Variants in JAKMIP2 observed in about 807,000 individuals in gnomAD.
JAKMIP2 encodes janus kinase and microtubule interacting protein 2.
A neutral mutation model predicts 115.0 loss-of-function variants in JAKMIP2; 25 were observed. The observed-to-expected ratio is 0.22, with a 90% CI of 0.16 to 0.30. The LOEUF (loss-of-function observed/expected upper bound fraction) is 0.30. Among genes scored for constraint, JAKMIP2 ranks in the 10% least tolerant of loss-of-function variants. The pLI, the probability that JAKMIP2 is intolerant of heterozygous loss-of-function variation, is 1.00. For synonymous variants in JAKMIP2, 334 were observed against 343.6 expected, an observed-to-expected ratio of 0.97 and a Z score of 0.31; for missense variants, 642 against 957.6, an observed-to-expected ratio of 0.67 and a Z score of 4.35.
chr5:147,640,328 C>A (rs1349091431), intron 9 of JAKMIP2, among the ~76,000 whole-genome samples: 2 of 152,056 alleles, frequency 1.3e-5, no homozygotes, highest in African/African-American at 4.8e-5. Context: ...GTAACTGAGC[C>A]CTCTAGATCA....
At chr5:147,639,805 A>G in intron 9 of JAKMIP2, 45 bp from the exon 10 acceptor site, 1 of 1,594,712 alleles carries the variant, frequency 6.3e-7, no homozygotes, top group East Asian at 2.2e-5. Flanking sequence ...TGTTATGTTC[A>G]GGTCCTGTTT....
intron 1 of JAKMIP2, among the ~76,000 whole-genome samples, chr5:147,707,082 T>TATATTAA (rs1483203821): frequency 6.6e-6 from 1 of 152,154 alleles, no homozygotes; most frequent in Non-Finnish European, 1.5e-5. Flanking sequence ...GATGTAAATA[T>TATATTAA]ATATTAAATA....
chr5:147,604,800 TTTATTATTATTA>T (rs145441560), intron 20 of JAKMIP2, among the ~76,000 whole-genome samples: 20,130 of 143,270 alleles, frequency 0.14, 1,661 homozygotes, highest in South Asian at 0.29. Context: ...GGCCAGACAT[TTTATTATTATTA>T]TTATTATTAT....
rs996362945 is a variant in JAKMIP2 at position 147,585,764 on chromosome 5, C to G, written c.*5943G>C. On this transcript the variant is annotated 3_prime_UTR_variant, in exon 22 of 22. Coordinates refer to ENST00000616793, the MANE Select transcript of JAKMIP2 (RefSeq NM_001270941.2). Reference sequence around the variant, plus strand: ...GAATGAAAGCTCTGTGAAATTGGACCCTTGGCTACATTAACACAGTAAACA... The same window carrying G: ...GAATGAAAGCTCTGTGAAATTGGACGCTTGGCTACATTAACACAGTAAACA... 6.6e-6 allele frequency: 1 copy of G among 152,038 alleles called. No individual in the cohort carries two copies. The highest frequency in any genetic ancestry group is 1.5e-5 in the Non-Finnish European group (1 of 68,012). 9.4% of individuals were successfully genotyped at this position (152,038 alleles called of 1,614,324 possible).
In JAKMIP2 at chr5:147,644,062, G is replaced by A. The variant is rs769473962; in HGVS notation, c.1220C>T (p.Thr407Ile). The A allele has an allele frequency of 6.3e-7, 1 of 1,584,954 alleles. No individual in the cohort carries two copies. The highest frequency in any genetic ancestry group is 1.2e-5 in the South Asian group (1 of 85,832). ...IEQQNIIDEL[T>I]RDREKLIRRR... is the part of the protein sequence containing the mutation. ...TACAGATTGATTGACACGTACCCTT[G>A]TGAGCTCATCAATAATGTTCTGTTG... The change falls in exon 7 of 22, where the codon ACA (threonine) becomes ATA (isoleucine). Residue 407 changes from threonine (T) to isoleucine (I), a missense_variant. Thr to Ile is a moderately conservative substitution (Grantham distance 89). Around this residue, in one of 6 missense-constraint regions of JAKMIP2, gnomAD observed 439 missense variants for 570.9 expected, o/e 0.77. Transcript: ENST00000616793.
At chr5:147,702,621 A>G (rs796512503) in intron 1 of JAKMIP2, among the ~76,000 whole-genome samples, 5 of 122,348 alleles carry the variant, frequency 4.1e-5, no homozygotes, top group African/African-American at 1.8e-4. Flanking sequence ...AGAAAGAAAG[A>G]AAGAAAGAAA....
rs1755049090 is a variant in JAKMIP2, at chr5:147,590,267, T to A, written c.*1440A>T. The A allele has an allele frequency of 6.6e-6, 1 of 152,198 alleles. No individual in the cohort carries two copies. The highest frequency in any genetic ancestry group is 1.5e-5 in the Non-Finnish European group (1 of 68,028). 9.4% of individuals were successfully genotyped at this position (152,198 alleles called of 1,614,324 possible). ...TGCATGGGAATTCTAGCCCCATAAA[T>A]AAAACTTCAAAAATTTGAAAAATTG... is the stretch of plus-strand genomic sequence containing the variant. On this transcript the variant is annotated 3_prime_UTR_variant, in exon 22 of 22. Transcript: ENST00000616793.
intron 1 of JAKMIP2, among the ~76,000 whole-genome samples, chr5:147,759,879 C>G (rs2127044024): frequency 6.6e-6 from 1 of 152,074 alleles, no homozygotes; most frequent in African/African-American, 2.4e-5. Flanking sequence ...AGCAGGTAGT[C>G]CCAGTCGTGG....
chr5:147,690,991 C>T (rs182905823), intron 1 of JAKMIP2, among the ~76,000 whole-genome samples: 9 of 152,182 alleles, frequency 5.9e-5, no homozygotes, highest in Admixed American at 4.6e-4. Context: ...ATTCTGGTCT[C>T]CTTTTCCTCA....
intron 17 of JAKMIP2, among the ~76,000 whole-genome samples, chr5:147,623,086 AT>A (rs1186022151): frequency 1.3e-5 from 2 of 151,968 alleles, no homozygotes; most frequent in African/African-American, 2.4e-5. Flanking sequence ...ATGCCCACTA[AT>A]TATTTTTTGT....
At position 147,650,412 on chromosome 5, in the gene JAKMIP2, C is replaced by G. The variant is rs1349587751; in HGVS notation, c.763G>C (p.Glu255Gln). 1 of 1,613,886 alleles carries G rather than the reference C, an allele frequency of 6.2e-7. No individual in the cohort carries two copies. The highest frequency in any genetic ancestry group is 1.1e-5 in the South Asian group (1 of 91,062). Residue 255 changes from glutamate to glutamine, a missense_variant, in exon 4 of 22, where the codon GAG becomes CAG. This residue lies in a region of JAKMIP2 where 439 missense variants were observed against 570.9 expected (regional missense o/e 0.77). Transcript: ENST00000616793. ...CGTTTTGGGCTGCTCATGTTGCACT[C>G]AGCCTCCTTGACCAGAAAGAGTTGT... is the stretch of plus-strand genomic sequence containing the variant. ...DEQLFLVKEAECNMSSPKREI... is the reference protein window; with the variant it reads ...DEQLFLVKEAQCNMSSPKREI...
intron 1 of JAKMIP2, among the ~76,000 whole-genome samples, chr5:147,769,440 T>G (rs185958559): frequency 2.9e-3 from 438 of 152,250 alleles, no homozygotes; most frequent in Non-Finnish European, 4.8e-3. Flanking sequence ...CATGTAATAA[T>G]CCTTGTTAGA....
chr5:147,721,117 G>A (rs569587843), intron 1 of JAKMIP2, among the ~76,000 whole-genome samples: 9 of 152,008 alleles, frequency 5.9e-5, no homozygotes, highest in East Asian at 3.9e-4. Context: ...CATGTGAGGT[G>A]TCAGTGTGCC....
intron 10 of JAKMIP2, among the ~76,000 whole-genome samples, chr5:147,637,876 T>C (rs17096666): frequency 0.28 from 41,832 of 151,992 alleles, 7,980 homozygotes; most frequent in East Asian, 0.59. Context: ...GTGATTTAGC[T>C]TAGTAATTTG....
intron 1 of JAKMIP2, among the ~76,000 whole-genome samples, chr5:147,682,112 C>G (rs960608040): frequency 1.3e-5 from 2 of 151,014 alleles, no homozygotes; most frequent in African/African-American, 4.9e-5. Context: ...AGGAAGGAAC[C>G]AGTAAGCAAA....
intron 1 of JAKMIP2, among the ~76,000 whole-genome samples, chr5:147,699,006 A>G (rs1007691249): frequency 1.3e-5 from 2 of 152,188 alleles, no homozygotes; most frequent in Non-Finnish European, 2.9e-5. Flanking sequence ...AGATTTGGCC[A>G]TATAAGATCT....
intron 1 of JAKMIP2, among the ~76,000 whole-genome samples, chr5:147,727,606 C>T (rs138813876): frequency 6.6e-6 from 1 of 152,290 alleles, no homozygotes; most frequent in East Asian, 1.9e-4. Context: ...CTAGGTCCCT[C>T]ACTCAACACA....
intron 1 of JAKMIP2, among the ~76,000 whole-genome samples, chr5:147,730,857 C>A (rs1391122815): frequency 2.0e-5 from 3 of 152,142 alleles, no homozygotes; most frequent in African/African-American, 7.2e-5. Flanking sequence ...CTGACCCTCA[C>A]TCTGCTTCTT....
At chr5:147,736,780 G>A (rs530399420) in intron 1 of JAKMIP2, among the ~76,000 whole-genome samples, 2 of 152,176 alleles carry the variant, frequency 1.3e-5, no homozygotes, top group African/African-American at 2.4e-5. Context: ...GGCAATGTAC[G>A]GAATTTAGGG....
Sources: gnomAD v4.1 joint callset for allele counts (sites outside exome capture counted in the v4.1 genomes callset) on GRCh38, gnomAD v4.1.1 for gene constraint, gnomAD v4.1.1 regional missense constraint, MANE v1.5 for transcripts, NCBI Gene and HGNC (gene_info 2026-07-23, HGNC 2026-07-21) for gene names.